Variants in OPRM1 observed in about 807,000 individuals in gnomAD.
The protein encoded by OPRM1 is mu-type opioid receptor.
In OPRM1, 27 loss-of-function variants were observed where a neutral mutation model predicts 31.8. The observed-to-expected ratio is 0.85, with a 90% confidence interval of 0.63 to 1.17. OPRM1 has a LOEUF of 1.17. Ranked by LOEUF, OPRM1 falls within the 50% of genes most tolerant of loss-of-function variation. OPRM1 has a pLI of 0.00. For missense variants in OPRM1, 536 were observed against 511.1 expected (o/e 1.05, Z -0.47); for synonymous variants, 196 against 189.9 (o/e 1.03, Z -0.26).
exon 1 of OPRM1, chr6:154,010,938 G>C: frequency 7.7e-7 from 1 of 1,299,912 alleles, no homozygotes; most frequent in Middle Eastern, 2.1e-4. Context: ...CTGGAAACCT[G>C]GAGCACAGAA....
chr6:154,138,638 A>G (rs1798122262), intron 3 of OPRM1, among the ~76,000 whole-genome samples: 1 of 152,252 alleles, frequency 6.6e-6, no homozygotes, highest in South Asian at 2.1e-4. Flanking sequence ...TCTAACCTCC[A>G]AGGGGTCCTG....
intron 3 of OPRM1, among the ~76,000 whole-genome samples, chr6:154,215,887 A>G (rs1044034256): frequency 6.6e-6 from 1 of 152,330 alleles, no homozygotes; most frequent in Non-Finnish European, 1.5e-5. Flanking sequence ...TCTCAGCCTC[A>G]ATAGTATTTT....
intron 3 of OPRM1, among the ~76,000 whole-genome samples, chr6:154,238,201 T>C (rs1780292106): frequency 6.6e-6 from 1 of 152,212 alleles, no homozygotes; most frequent in Admixed American, 6.5e-5. Flanking sequence ...AACAAATGCT[T>C]GGAAACACAT....
At chr6:154,205,155 G>A (rs1342233862) in intron 3 of OPRM1, among the ~76,000 whole-genome samples, 1 of 152,160 alleles carries the variant, frequency 6.6e-6, no homozygotes, top group Admixed American at 6.5e-5. Flanking sequence ...TTCATCTTCA[G>A]AGCATTTGTC....
rs566590672 is a variant in OPRM1 at position 154,060,462 on chromosome 6, A to G, written c.290+20628A>G. 1.7e-4 allele frequency among the ~76,000 whole-genome samples: 26 copies of G among 152,324 alleles called. 1 individual carries two copies. The highest frequency in any genetic ancestry group is 5.8e-4 in the African/African-American group (24 of 41,572). Reference sequence around the variant, plus strand: ...ATGGGGTCACTTATGAAAAGTATGGAAACCTAGTCCATTCAACTCCCATGC... The same window carrying G: ...ATGGGGTCACTTATGAAAAGTATGGGAACCTAGTCCATTCAACTCCCATGC... On this transcript the variant is annotated intron_variant, in intron 1 of 3. Coordinates refer to ENST00000330432, the MANE Select transcript of OPRM1 (RefSeq NM_000914.5).
At chr6:154,112,132 A>G (rs1583597561) in intron 3 of OPRM1, among the ~76,000 whole-genome samples, 1 of 152,334 alleles carries the variant, frequency 6.6e-6, no homozygotes, top group South Asian at 2.1e-4. Context: ...TGTTACATCT[A>G]TGTATCTAAC....
rs148209724 is a variant in OPRM1, at chr6:154,099,590, T to C, written c.1164+8118T>C. On this transcript the variant is annotated intron_variant, in intron 3 of 3. Transcript: ENST00000330432. ...AGGAAACCATATCGTCTATGACTTC[T>C]ACTCTACTGCAATAAAATCTCTTAA... Among the ~76,000 whole-genome samples, 445 of 151,178 alleles carry C rather than the reference T, an allele frequency of 2.9e-3. 1 individual carries two copies. Among genetic ancestry groups the C allele is most frequent in the African/African-American group, 0.01 (426 of 41,050 alleles).
intron 3 of OPRM1, among the ~76,000 whole-genome samples, chr6:154,193,513 AAAAT>A (rs1312606985): frequency 1.3e-5 from 2 of 152,242 alleles, no homozygotes; most frequent in Non-Finnish European, 2.9e-5. Context: ...TAACAAATTA[AAAAT>A]AAATAAAAAT....
At chr6:154,099,046 G>A (rs185380973) in intron 3 of OPRM1, among the ~76,000 whole-genome samples, 98 of 152,188 alleles carry the variant, frequency 6.4e-4, no homozygotes, top group Non-Finnish European at 1.1e-3. Flanking sequence ...TTGGGAGGCC[G>A]AGGCCAGTGA....
chr6:154,108,192 C>T (rs1476487979), intron 3 of OPRM1: 3 of 456,364 alleles, frequency 6.6e-6, no homozygotes, highest in East Asian at 3.4e-5. Context: ...CAGAGCAAAA[C>T]ACATGTGATA....
chr6:154,123,608 G>A lies in OPRM1; in HGVS notation c.*4887G>A, dbSNP rs1442458615. Reference sequence around the variant, plus strand: ...AGGGCTGCTGGTTGGCTATTTTTGTGGTTATTTCTTGATTATATGCTAAAC... The same window carrying A: ...AGGGCTGCTGGTTGGCTATTTTTGTAGTTATTTCTTGATTATATGCTAAAC... On this transcript the variant is annotated 3_prime_UTR_variant, in exon 4 of 4. Transcript: ENST00000330432. 6.6e-6 allele frequency among the ~76,000 whole-genome samples: 1 copy of A among 152,148 alleles called. No homozygotes were observed. Among genetic ancestry groups the A allele is most frequent in the Non-Finnish European group, 1.5e-5 (1 of 68,032 alleles).
intron 3 of OPRM1, among the ~76,000 whole-genome samples, chr6:154,219,452 C>T (rs917557364): frequency 1.3e-5 from 2 of 152,134 alleles, no homozygotes; most frequent in Non-Finnish European, 2.9e-5. Context: ...AGGGGAGAGG[C>T]GGGCAGCACT....
chr6:154,114,150 A>G (rs1258635502), intron 3 of OPRM1, among the ~76,000 whole-genome samples: 1 of 152,188 alleles, frequency 6.6e-6, no homozygotes, highest in Non-Finnish European at 1.5e-5. Flanking sequence ...AGAGGCATGC[A>G]TAGATAAGGC....
At chr6:154,135,021 C>T (rs145902675), downstream of OPRM1, among the ~76,000 whole-genome samples, 2 of 152,312 alleles carry the variant, frequency 1.3e-5, no homozygotes, top group African/African-American at 2.4e-5. Context: ...CCAGCCAAGA[C>T]GTGGACAATT....
At chr6:154,049,296 C>T (rs75844980) in intron 1 of OPRM1, among the ~76,000 whole-genome samples, 35 of 151,794 alleles carry the variant, frequency 2.3e-4, no homozygotes, top group African/African-American at 8.2e-4. Context: ...ACAACAACAA[C>T]AAAAAAACAC....
chr6:154,232,393 C>G (rs753141408), intron 3 of OPRM1, among the ~76,000 whole-genome samples: 1 of 152,052 alleles, frequency 6.6e-6, no homozygotes, highest in Non-Finnish European at 1.5e-5. Flanking sequence ...ATTTATTGAG[C>G]GCTAAGCATA....
chr6:154,054,820 T>G (rs1782917889), intron 1 of OPRM1, among the ~76,000 whole-genome samples: 1 of 152,198 alleles, frequency 6.6e-6, no homozygotes. Context: ...TACTATGCAT[T>G]GCATGCCTGT....
intron 1 of OPRM1, among the ~76,000 whole-genome samples, chr6:154,078,016 A>G (rs973788766): frequency 3.3e-5 from 5 of 152,156 alleles, no homozygotes; most frequent in African/African-American, 1.2e-4. Context: ...AAATTTGACC[A>G]CTATAGACTT....
intron 1 of OPRM1, among the ~76,000 whole-genome samples, chr6:154,056,187 C>A (rs997804177): frequency 2.6e-5 from 4 of 151,732 alleles, no homozygotes; most frequent in Admixed American, 1.3e-4. Context: ...GCAGAGGTGC[C>A]AGCTCGGCTC....
Sources: allele counts gnomAD v4.1 joint callset (sites outside exome capture counted in the v4.1 genomes callset), GRCh38; gene constraint gnomAD v4.1.1; transcripts MANE v1.5; gene names NCBI Gene and HGNC (gene_info 2026-07-23, HGNC 2026-07-21).